The following ADGRL2 variants were observed in gnomAD, a reference collection of about 807,000 sequenced individuals.
ADGRL2 encodes calcium-independent alpha-latrotoxin receptor 2.
ADGRL2 carries 44 observed loss-of-function variants against 157.4 expected under a neutral mutation model. The observed-to-expected ratio is 0.28, with a 90% CI of 0.22 to 0.36. The LOEUF is 0.36. Among genes scored for constraint, ADGRL2 ranks in the 10% least tolerant of loss-of-function variants. ADGRL2 has a pLI of 1.00. For synonymous variants in ADGRL2, 585 were observed against 624.7 expected (o/e 0.94, Z 0.95); for missense variants, 1,510 against 1,768.9 (o/e 0.85, Z 2.63).
At chr1:81,502,732 C>G (rs2078880729) in intron 2 of ADGRL2, 1 of 1,613,700 alleles carries the variant, frequency 6.2e-7, no homozygotes, top group Non-Finnish European at 8.5e-7. Context: ...AGCCGAGCTC[C>G]AGGCAGCAAT....
intron 2 of ADGRL2, among the ~76,000 whole-genome samples, chr1:81,854,134 C>G (rs144933494): frequency 3.0e-4 from 46 of 152,074 alleles, no homozygotes; most frequent in African/African-American, 9.7e-4. Context: ...TGCATTATGG[C>G]AAGATAAATG....
At chr1:81,526,219 C>T (rs896018050) in intron 2 of ADGRL2, among the ~76,000 whole-genome samples, 1 of 152,138 alleles carries the variant, frequency 6.6e-6, no homozygotes, top group Non-Finnish European at 1.5e-5. Context: ...AATTGAAAGC[C>T]ACTTTGCAAC....
chr1:81,888,380 C>T (rs1275609431), intron 2 of ADGRL2, among the ~76,000 whole-genome samples: 2 of 152,084 alleles, frequency 1.3e-5, no homozygotes, highest in African/African-American at 4.8e-5. Context: ...TTAAATGAGT[C>T]CGGCATATAG....
At chr1:81,440,059 G>T (rs1259861560) in intron 1 of ADGRL2, among the ~76,000 whole-genome samples, 3 of 152,120 alleles carry the variant, frequency 2.0e-5, no homozygotes, top group African/African-American at 7.2e-5. Flanking sequence ...ATGCAAAAAA[G>T]GCTAAAGCAA....
intron 2 of ADGRL2, among the ~76,000 whole-genome samples, chr1:81,447,198 C>CT (rs2077613436): frequency 9.9e-6 from 1 of 101,340 alleles, no homozygotes; most frequent in East Asian, 2.1e-4. Flanking sequence ...GATACCATTC[C>CT]CAGATGATAC....
chr1:81,964,766 G>C (rs78192813), intron 11 of ADGRL2, among the ~76,000 whole-genome samples: 1 of 151,734 alleles, frequency 6.6e-6, no homozygotes, highest in African/African-American at 2.4e-5. Flanking sequence ...GTGACATTCA[G>C]AAAAAAAGTG....
At chr1:81,913,915 A>G (rs989312961) in intron 3 of ADGRL2, among the ~76,000 whole-genome samples, 3 of 152,116 alleles carry the variant, frequency 2.0e-5, no homozygotes, top group African/African-American at 4.8e-5. Context: ...GACTTTTAAC[A>G]TGTCTATTAT....
chr1:81,402,632 G>T (rs2076777365), intron 1 of ADGRL2, among the ~76,000 whole-genome samples: 1 of 152,128 alleles, frequency 6.6e-6, no homozygotes, highest in African/African-American at 2.4e-5. Context: ...ACCCTCCTCT[G>T]AAACAAAATA....
In ADGRL2 at chr1:81,943,806, G is replaced by A; in HGVS notation, c.1210+37G>A. 1 of 1,497,362 alleles carries A rather than the reference G, an allele frequency of 6.7e-7. No homozygotes were observed. The highest frequency in any genetic ancestry group is 1.2e-5 in the South Asian group (1 of 80,980). 92.8% of individuals were successfully genotyped at this position (1,497,362 alleles called of 1,614,324 possible). ...TACTTGCTAATGCTTATGTCATTTT[G>A]TGAAAAGCATTTTTCTTTTTAAAGA... On this transcript the variant is annotated intron_variant, in intron 6 of 23. Coordinates refer to ENST00000686636, the MANE Select transcript of ADGRL2 (RefSeq NM_001366006.2). The surrounding 1 kb of genome is among the most constrained non-coding windows in gnomAD (Gnocchi z 5.6).
intron 2 of ADGRL2, among the ~76,000 whole-genome samples, chr1:81,547,507 A>G (rs916767241): frequency 1.3e-5 from 2 of 152,194 alleles, no homozygotes; most frequent in African/African-American, 4.8e-5. Context: ...CTGAGGAGCC[A>G]GGCATTTCCC....
intron 3 of ADGRL2, among the ~76,000 whole-genome samples, chr1:81,645,673 G>A (rs1381949064): frequency 1.3e-5 from 2 of 152,028 alleles, no homozygotes; most frequent in Non-Finnish European, 2.9e-5. Flanking sequence ...CCATGACAAT[G>A]TATATTGATT....
intron 1 of ADGRL2, among the ~76,000 whole-genome samples, chr1:81,316,790 A>G (rs1474237856): frequency 3.3e-5 from 5 of 152,196 alleles, no homozygotes; most frequent in Non-Finnish European, 7.3e-5. Context: ...ATGTATGTGT[A>G]TGTACCTATA....
At chr1:81,736,635 T>C (rs1464315356) in intron 1 of ADGRL2, among the ~76,000 whole-genome samples, 2 of 152,220 alleles carry the variant, frequency 1.3e-5, no homozygotes, top group East Asian at 1.9e-4. Flanking sequence ...CAGATCTCTA[T>C]GCCTTATAAC....
chr1:81,381,144 A>G (rs1264380076), intron 1 of ADGRL2, among the ~76,000 whole-genome samples: 2 of 151,850 alleles, frequency 1.3e-5, no homozygotes, highest in South Asian at 2.1e-4. Flanking sequence ...GTACTTTGGA[A>G]TCTCTTCTTT....
chr1:81,365,757 A>T (rs565859341), intron 1 of ADGRL2, among the ~76,000 whole-genome samples: 2 of 152,300 alleles, frequency 1.3e-5, no homozygotes, highest in South Asian at 4.1e-4. Flanking sequence ...CTTAGTTGAA[A>T]TCTATTGGGT....
upstream of ADGRL2, among the ~76,000 whole-genome samples, chr1:81,796,847 C>T (rs1249510457): frequency 1.3e-5 from 2 of 152,272 alleles, no homozygotes; most frequent in East Asian, 3.9e-4. Context: ...TTGGAGACTG[C>T]ATCTCTACAT....
chr1:81,958,251 T>A (rs1393953094), intron 11 of ADGRL2, among the ~76,000 whole-genome samples: 1 of 151,480 alleles, frequency 6.6e-6, no homozygotes, highest in African/African-American at 2.4e-5. Context: ...GAGCAAGACT[T>A]TGTCTCAAAA....
rs377749807 is a variant in ADGRL2 at position 81,664,454 on chromosome 1, T to C, written c.-143+83474T>C. Among the ~76,000 whole-genome samples the C allele has an allele frequency of 2.6e-5, 4 of 152,186 alleles. No individual in the cohort carries two copies. The East Asian group carries it at 7.7e-4, about 29-fold the overall frequency. On this transcript the variant is annotated intron_variant, in intron 3 of 24. Coordinates refer to the ADGRL2 transcript ENST00000370721. ...ATAATAGTGTTGATGTGCTTCCTTCTGAAACAATCAGTGACATTTCCTTAA... is the reference window on the plus strand; with the variant it reads ...ATAATAGTGTTGATGTGCTTCCTTCCGAAACAATCAGTGACATTTCCTTAA...
At chr1:81,538,794 C>T (rs905995659) in intron 2 of ADGRL2, among the ~76,000 whole-genome samples, 2 of 152,062 alleles carry the variant, frequency 1.3e-5, no homozygotes, top group African/African-American at 4.8e-5. Flanking sequence ...TGCTTGAGCT[C>T]AGGAGTTCAA....
Sources: allele counts gnomAD v4.1 joint callset (sites outside exome capture counted in the v4.1 genomes callset), GRCh38; gene constraint gnomAD v4.1.1; non-coding constraint Gnocchi (gnomAD v3.1); transcripts MANE v1.5; gene names NCBI Gene and HGNC (gene_info 2026-07-23, HGNC 2026-07-21).